The following EYS variants were observed in gnomAD, a reference collection of about 807,000 sequenced individuals.
EYS encodes protein eyes shut homolog.
Under a neutral mutation model 282.1 loss-of-function variants are expected in EYS, and 250 were observed. That is an observed-to-expected ratio of 0.89 (90% CI 0.80 to 0.98). The LOEUF is 0.98. EYS is among the 50% of genes least tolerant of loss of function. The probability of loss-of-function intolerance (pLI) is 0.00; values close to 1 mark genes in which losing one functional copy is unlikely to be tolerated. For missense variants in EYS, 4,016 were observed against 3,709.0 expected (o/e 1.08, Z -2.15); for synonymous variants, 1,355 against 1,282.9 (o/e 1.06, Z -1.20).
At chr6:65,149,102 G>A (rs1321084551) in intron 12 of EYS, among the ~76,000 whole-genome samples, 5 of 152,062 alleles carry the variant, frequency 3.3e-5, no homozygotes, top group Non-Finnish European at 4.4e-5. Context: ...CCATTATCCT[G>A]GTGATTAACA....
chr6:65,409,012 A>G (rs1041471043), intron 5 of EYS, among the ~76,000 whole-genome samples: 21 of 152,068 alleles, frequency 1.4e-4, no homozygotes, highest in Non-Finnish European at 2.9e-4. Flanking sequence ...ATATGTGAAG[A>G]TTTCTAGAAA....
chr6:65,370,231 C>T, intron 8 of EYS, among the ~76,000 whole-genome samples: 1 of 148,592 alleles, frequency 6.7e-6, no homozygotes, highest in African/African-American at 2.5e-5. Flanking sequence ...TTCTTTCTTT[C>T]CTTTCTATTT....
chr6:64,854,222 C>G (rs532397190), intron 19 of EYS, among the ~76,000 whole-genome samples: 1 of 152,082 alleles, frequency 6.6e-6, no homozygotes, highest in South Asian at 2.1e-4. Context: ...ACTAGAAATA[C>G]CATTTGACTC....
chr6:64,845,504 A>T (rs1765690892), intron 19 of EYS, among the ~76,000 whole-genome samples: 1 of 144,726 alleles, frequency 6.9e-6, no homozygotes, highest in Admixed American at 7.2e-5. Context: ...ATTTTATTCA[A>T]GTTTCTTCCA....
At chr6:65,208,875 C>T (rs9445483) in intron 12 of EYS, among the ~76,000 whole-genome samples, 2,048 of 151,826 alleles carry the variant, frequency 0.013, 29 homozygotes, top group African/African-American at 0.041. Context: ...TACTAAAAGC[C>T]CAAACCTCAC....
chr6:63,994,954 A>T (rs1345375912), intron 34 of EYS, among the ~76,000 whole-genome samples: 1 of 151,980 alleles, frequency 6.6e-6, no homozygotes, highest in Admixed American at 6.6e-5. Context: ...AAAATGCTTC[A>T]TTAGTTTTGA....
At chr6:64,136,059 CA>C (rs1435168535) in intron 31 of EYS, among the ~76,000 whole-genome samples, 3 of 151,302 alleles carry the variant, frequency 2.0e-5, no homozygotes, top group East Asian at 3.9e-4. Context: ...ACTGCTTTAT[CA>C]ACTAAATTTG....
intron 30 of EYS, among the ~76,000 whole-genome samples, chr6:64,301,231 A>G (rs1769221412): frequency 6.6e-6 from 1 of 152,226 alleles, no homozygotes; most frequent in Admixed American, 6.5e-5. Flanking sequence ...AGGCGATATT[A>G]ACTGGCTTTG....
At chr6:64,356,196 AT>A (rs892176078) in intron 29 of EYS, among the ~76,000 whole-genome samples, 8 of 151,254 alleles carry the variant, frequency 5.3e-5, no homozygotes, top group Non-Finnish European at 1.2e-4. Flanking sequence ...ATGTTTTTAT[AT>A]TTTTTTAAAA....
chr6:64,021,693 G>A (rs932737514), intron 33 of EYS, among the ~76,000 whole-genome samples: 2 of 151,976 alleles, frequency 1.3e-5, no homozygotes, highest in African/African-American at 4.8e-5. Context: ...CATTCACATG[G>A]TCCAAGATTC....
chr6:64,031,946 T>C (rs1473305040), intron 33 of EYS, among the ~76,000 whole-genome samples: 2 of 152,180 alleles, frequency 1.3e-5, no homozygotes, highest in Admixed American at 1.3e-4. Context: ...TTCCACACTG[T>C]GGAAGCTTTG....
chr6:65,033,593 G>A (rs1772672968), intron 13 of EYS, among the ~76,000 whole-genome samples: 1 of 152,138 alleles, frequency 6.6e-6, no homozygotes, highest in Admixed American at 6.6e-5. Flanking sequence ...AAACCTTGGT[G>A]GAATCCATAT....
intron 22 of EYS, among the ~76,000 whole-genome samples, chr6:64,779,908 G>C (rs551276648): frequency 6.6e-6 from 1 of 152,096 alleles, no homozygotes; most frequent in East Asian, 1.9e-4. Flanking sequence ...TCCTGCCTGG[G>C]GATCACCTCT....
chr6:63,864,499 C>CTT lies in EYS; in HGVS notation c.7056-143_7056-142dup, dbSNP rs10638627. On this transcript the variant is annotated intron_variant, in intron 35 of 42. Coordinates refer to ENST00000503581, the MANE Select transcript of EYS (RefSeq NM_001142800.2). ...TCTAATAAGTGACTTTTTTCTCCCT[C>CTT]TTTTCTGTTTCAACTTTTGAATATT... is the stretch of plus-strand genomic sequence containing the variant. The CTT allele has an allele frequency of 0.66, 340,567 of 514,346 alleles. 111,576 individuals are homozygous for CTT. The highest frequency in any genetic ancestry group is 0.75 in the East Asian group (23,048 of 30,538). 31.9% of individuals were successfully genotyped at this position (514,346 alleles called of 1,614,324 possible). A position where few individuals can be genotyped will look rare whatever the true frequency, so the allele number is the denominator to read the frequency against.
intron 2 of EYS, among the ~76,000 whole-genome samples, chr6:65,536,166 T>C (rs1429065257): frequency 5.3e-5 from 8 of 151,990 alleles, no homozygotes; most frequent in Non-Finnish European, 7.4e-5. Context: ...CATACGACTA[T>C]AGAAGACAAG....
chr6:65,319,922 C>G (rs999663608), intron 11 of EYS, among the ~76,000 whole-genome samples: 2 of 149,218 alleles, frequency 1.3e-5, no homozygotes, highest in Non-Finnish European at 3.0e-5. Flanking sequence ...CCCCAGCCAT[C>G]CAATTTTTCA....
intron 35 of EYS, among the ~76,000 whole-genome samples, chr6:63,908,123 G>A (rs1320346596): frequency 6.7e-6 from 1 of 149,786 alleles, no homozygotes; most frequent in Non-Finnish European, 1.5e-5. Context: ...TCACATGATA[G>A]ACAGGTTGAT....
At chr6:65,532,058 T>C (rs1430594121) in intron 2 of EYS, among the ~76,000 whole-genome samples, 1 of 152,168 alleles carries the variant, frequency 6.6e-6, no homozygotes. Flanking sequence ...TTATTGTTGT[T>C]ATTATTTCTA....
At chr6:64,495,772 C>T (rs1342344845) in intron 26 of EYS, among the ~76,000 whole-genome samples, 1 of 151,828 alleles carries the variant, frequency 6.6e-6, no homozygotes, top group Non-Finnish European at 1.5e-5. Flanking sequence ...CTATGAATCA[C>T]TAATGATTCT....
Sources: allele counts gnomAD v4.1 joint callset (sites outside exome capture counted in the v4.1 genomes callset), GRCh38; gene constraint gnomAD v4.1.1; transcripts MANE v1.5; gene names NCBI Gene and HGNC (gene_info 2026-07-23, HGNC 2026-07-21).